The following AFAP1L1 variants were observed in gnomAD, a reference collection of about 807,000 sequenced individuals.
The protein encoded by AFAP1L1 is actin filament associated protein 1 like 1, also known as actin filament-associated protein 1-like 1.
In AFAP1L1, 77 loss-of-function variants were observed where a neutral mutation model predicts 99.8. That is an observed-to-expected ratio of 0.77 (90% CI 0.64 to 0.93). The LOEUF is 0.93. Among genes scored for constraint, AFAP1L1 ranks in the 40% least tolerant of loss-of-function variants. The probability of loss-of-function intolerance (pLI) is 0.00; values close to 1 mark genes in which losing one functional copy is unlikely to be tolerated. For missense variants in AFAP1L1, 893 were observed against 996.8 expected, an observed-to-expected ratio of 0.90 and a Z score of 1.40; for synonymous variants, 373 against 395.3, an observed-to-expected ratio of 0.94 and a Z score of 0.67.
intron 3 of AFAP1L1, 119 bp from the exon 4 acceptor site, chr5:149,301,014 G>A (rs554036494): frequency 1.2e-4 from 87 of 730,858 alleles, no homozygotes; most frequent in African/African-American, 1.1e-3. Flanking sequence ...GGTTACTAAC[G>A]GAGGGGTGGT....
intron 5 of AFAP1L1, among the ~76,000 whole-genome samples, chr5:149,303,522 C>G (rs147718111): frequency 6.6e-6 from 1 of 152,198 alleles, no homozygotes; most frequent in Non-Finnish European, 1.5e-5. Context: ...CTCTGTCATT[C>G]AGTAGCACAG....
chr5:149,314,116 G>A (rs1463776500), intron 9 of AFAP1L1, among the ~76,000 whole-genome samples: 1 of 152,200 alleles, frequency 6.6e-6, no homozygotes. Flanking sequence ...TGGGCCAAGG[G>A]GAGGGAACAG....
At chr5:149,329,959 CCTT>C (rs1458929962) in intron 16 of AFAP1L1, 129 bp downstream of exon 16, 3 of 691,004 alleles carry the variant, frequency 4.3e-6, no homozygotes, top group Non-Finnish European at 6.7e-6. Context: ...CTCCCCTCCT[CCTT>C]CTCCTCCTCC....
At chr5:149,278,785 A>G (rs1174895880) in intron 1 of AFAP1L1, among the ~76,000 whole-genome samples, 2 of 151,960 alleles carry the variant, frequency 1.3e-5, no homozygotes, top group African/African-American at 2.4e-5. Flanking sequence ...CACTTGCTCT[A>G]TCTTCCCTCT....
intron 1 of AFAP1L1, 72 bp from the exon 2 acceptor site, chr5:149,299,437 G>A (rs1477181819): frequency 4.4e-6 from 7 of 1,582,416 alleles, no homozygotes; most frequent in African/African-American, 2.7e-5. Context: ...TCTAGGTGGT[G>A]GGGGGCCGAA....
chr5:149,305,139 C>T (rs1036688052), intron 5 of AFAP1L1, among the ~76,000 whole-genome samples: 11 of 152,228 alleles, frequency 7.2e-5, no homozygotes, highest in African/African-American at 2.4e-4. Flanking sequence ...TTGTTTAGCA[C>T]ATTGTGTGTG....
rs750244144 is a variant in AFAP1L1, at chr5:149,307,540, C to A, written c.674C>A (p.Ala225Asp). ...MHLVRECRIC[A>D]FLLRKKRFGQ... ...CTGGTGAGGGAATGCAGGATATGTGCCTTCCTGCTGCGGAAAAAGCGTTTC... is the reference window on the plus strand; with the variant it reads ...CTGGTGAGGGAATGCAGGATATGTGACTTCCTGCTGCGGAAAAAGCGTTTC... Residue 225 changes from alanine to aspartate, a missense_variant, in exon 7 of 19, where the codon GCC becomes GAC. By Grantham distance (126) the Ala-to-Asp change is moderately radical (BLOSUM62 -2). Transcript: ENST00000296721. 3 of 1,614,044 alleles carry A rather than the reference C, an allele frequency of 1.9e-6. No homozygotes were observed. The highest frequency in any genetic ancestry group is 1.7e-6 in the Non-Finnish European group (2 of 1,180,010).
chr5:149,294,348 T>C (rs1371131571), intron 1 of AFAP1L1, among the ~76,000 whole-genome samples: 1 of 152,226 alleles, frequency 6.6e-6, no homozygotes. Context: ...ATATGCCTTA[T>C]ACCCATACGA....
chr5:149,276,469 C>A (rs573372082), intron 1 of AFAP1L1, among the ~76,000 whole-genome samples: 52 of 152,316 alleles, frequency 3.4e-4, no homozygotes, highest in African/African-American at 1.2e-3. Flanking sequence ...TCTATGGACA[C>A]CGCCTTCTAC....
intron 1 of AFAP1L1, 21 bp downstream of exon 1, chr5:149,272,005 C>T (rs2127585286): frequency 2.4e-6 from 3 of 1,239,576 alleles, no homozygotes; most frequent in Non-Finnish European, 3.0e-6. Context: ...CCGCGACGCC[C>T]GCACTTGTTG....
chr5:149,339,916 T>A, intron 18 of AFAP1L1, 91 bp from the exon 19 acceptor site: 1 of 1,450,538 alleles, frequency 6.9e-7, no homozygotes, highest in Non-Finnish European at 9.6e-7. Context: ...CTAGTGGAGA[T>A]CTTCATCTAA....
chr5:149,286,477 C>G (rs111659412), intron 1 of AFAP1L1, among the ~76,000 whole-genome samples: 96 of 152,290 alleles, frequency 6.3e-4, no homozygotes, highest in Middle Eastern at 6.8e-3. Context: ...ACCACATACT[C>G]CTATTAGTGT....
chr5:149,323,682 T>G (rs1757018133), intron 15 of AFAP1L1, among the ~76,000 whole-genome samples: 1 of 152,246 alleles, frequency 6.6e-6, no homozygotes, highest in Non-Finnish European at 1.5e-5. Context: ...ATTCCATTCC[T>G]CATTCCTCCC....
intron 1 of AFAP1L1, among the ~76,000 whole-genome samples, chr5:149,288,934 G>A (rs536844889): frequency 2.5e-4 from 38 of 152,312 alleles, no homozygotes; most frequent in African/African-American, 8.9e-4. Flanking sequence ...TGACTCCTGG[G>A]AAGAGTGGCT....
At chr5:149,333,902 T>A (rs147622565) in intron 17 of AFAP1L1, among the ~76,000 whole-genome samples, 449 of 149,470 alleles carry the variant, frequency 3.0e-3, no homozygotes, top group African/African-American at 0.01. Context: ...AACCACAATT[T>A]GTGTGTATGT....
At chr5:149,316,385 C>T in intron 11 of AFAP1L1, 82 bp downstream of exon 11, 1 of 1,507,280 alleles carries the variant, frequency 6.6e-7, no homozygotes, top group Non-Finnish European at 9.0e-7. Flanking sequence ...GACCTCATGC[C>T]TCGTCCACCT....
At chr5:149,278,435 A>T (rs1034171676) in intron 1 of AFAP1L1, among the ~76,000 whole-genome samples, 1 of 152,142 alleles carries the variant, frequency 6.6e-6, no homozygotes, top group African/African-American at 2.4e-5. Flanking sequence ...AGCTCTGTTG[A>T]TTGAGCCTCT....
At position 149,329,733 on chromosome 5, in the gene AFAP1L1, A is replaced by G. The variant is rs760065526; in HGVS notation, c.1878A>G (p.Lys626=). Residue 626 remains lysine, a synonymous_variant, in exon 16 of 19, where the codon AAA becomes AAG. Transcript: ENST00000296721. Reference sequence around the variant, plus strand: ...ATGCCCGGAGGTACTTGGTAGAAAAAGAGAAGCTGGAGAAAGAGAAAGAGA... The same window carrying G: ...ATGCCCGGAGGTACTTGGTAGAAAAGGAGAAGCTGGAGAAAGAGAAAGAGA... ...EEDARRYLVE[K]EKLEKEKETI... 4.3e-6 allele frequency: 7 copies of G among 1,614,122 alleles called. No homozygotes were observed. Among genetic ancestry groups the G allele is most frequent in the Non-Finnish European group, 5.9e-6 (7 of 1,179,998 alleles).
At position 149,298,914 on chromosome 5, in the gene AFAP1L1, C is replaced by T. The variant is rs1170408491; in HGVS notation, c.17-595C>T. 2.0e-5 allele frequency among the ~76,000 whole-genome samples: 3 copies of T among 152,210 alleles called. No individual in the cohort carries two copies. In the South Asian group the frequency reaches 6.2e-4, roughly 32 times the overall value. On this transcript the variant is annotated intron_variant, in intron 1 of 18. Transcript: ENST00000296721. ...ACAAGATCCCCAGGTAATTCTTACA[C>T]ACACTCAAGTTTGAGAAGCATTGGT... is the stretch of plus-strand genomic sequence containing the variant.
Sources: allele counts gnomAD v4.1 joint callset (sites outside exome capture counted in the v4.1 genomes callset), GRCh38; gene constraint gnomAD v4.1.1; transcripts MANE v1.5; gene names NCBI Gene and HGNC (gene_info 2026-07-23, HGNC 2026-07-21).